Variants in TAB2 observed in about 807,000 individuals in gnomAD.
The protein encoded by TAB2 is TGF-beta activated kinase 1 (MAP3K7) binding protein 2.
A neutral mutation model predicts 65.0 loss-of-function variants in TAB2; 3 were observed. The ratio of observed to expected loss-of-function variants is 0.05; its 90% CI spans 0.02 to 0.12. The LOEUF is 0.12. Among genes scored for constraint, TAB2 ranks in the 10% least tolerant of loss-of-function variants. The pLI is 1.00. For missense variants in TAB2, 623 were observed against 840.3 expected (o/e 0.74, Z 3.20); for synonymous variants, 298 against 285.1 (o/e 1.05, Z -0.46).
At chr6:149,338,549 T>G (rs182179935) in intron 1 of TAB2, among the ~76,000 whole-genome samples, 1 of 152,170 alleles carries the variant, frequency 6.6e-6, no homozygotes, top group South Asian at 2.1e-4. Context: ...GAAACTAGTA[T>G]TGGAAGAGTT....
intron 1 of TAB2, among the ~76,000 whole-genome samples, chr6:149,265,905 T>C (rs889176101): frequency 6.6e-6 from 1 of 152,212 alleles, no homozygotes. Context: ...GAGCGAGGAA[T>C]GTTCATCCCT....
chr6:149,241,211 A>C (rs1264233161), intron 1 of TAB2, among the ~76,000 whole-genome samples: 2 of 152,190 alleles, frequency 1.3e-5, no homozygotes, highest in Non-Finnish European at 2.9e-5. Context: ...ACTATTGTTT[A>C]AGACACCCAG....
Position 149,379,107 on chromosome 6 carries a change from G to A in TAB2, c.1192G>A (p.Glu398Lys), listed in dbSNP as rs1781516355. The A allele has an allele frequency of 1.2e-6, 2 of 1,614,142 alleles. No homozygotes were observed. The highest frequency in any genetic ancestry group is 1.3e-5 in the African/African-American group (1 of 75,028). ...YISANAATGD[E>K]QVMRNQPTLF... ...TTCAGCGAATGCTGCCACAGGAGAT[G>A]AACAGGTCATGCGGAATCAGCCCAC... The change falls in exon 3 of 7, where the codon GAA becomes AAA. Residue 398 changes from glutamate to lysine, a missense_variant. By Grantham distance (56) the Glu-to-Lys change is moderately conservative (BLOSUM62 1). Transcript: ENST00000637181.
intron 1 of TAB2, among the ~76,000 whole-genome samples, chr6:149,253,818 AG>A (rs1244118393): frequency 1.3e-5 from 2 of 150,556 alleles, no homozygotes; most frequent in African/African-American, 4.9e-5. Context: ...GCCACTCAGG[AG>A]GCTGAGGCAG....
intron 1 of TAB2, among the ~76,000 whole-genome samples, chr6:149,298,292 G>GA (rs11382423): frequency 0.4 from 60,154 of 151,832 alleles, 13,281 homozygotes; most frequent in African/African-American, 0.61. Flanking sequence ...AAAAGAGAAA[G>GA]AAAAAATAAA....
intron 1 of TAB2, among the ~76,000 whole-genome samples, chr6:149,320,530 C>T (rs1046764141): frequency 1.1e-4 from 16 of 146,666 alleles, no homozygotes; most frequent in South Asian, 2.2e-4. Context: ...TTTCTTTTCC[C>T]AAAATACTGT....
chr6:149,259,671 A>C (rs1257796204), intron 1 of TAB2, among the ~76,000 whole-genome samples: 1 of 152,230 alleles, frequency 6.6e-6, no homozygotes, highest in African/African-American at 2.4e-5. Flanking sequence ...TATTCATAAA[A>C]GAGTGGGGAG....
At chr6:149,241,367 T>A (rs541047955) in intron 1 of TAB2, among the ~76,000 whole-genome samples, 1 of 152,362 alleles carries the variant, frequency 6.6e-6, no homozygotes, top group South Asian at 2.1e-4. Flanking sequence ...GCCTATACTC[T>A]TTTAATCAAT....
intron 1 of TAB2, among the ~76,000 whole-genome samples, chr6:149,306,458 A>T (rs896818842): frequency 1.3e-5 from 2 of 151,600 alleles, no homozygotes; most frequent in African/African-American, 4.8e-5. Flanking sequence ...GCTGAGGCAG[A>T]AGAATGGCCT....
intron 1 of TAB2, among the ~76,000 whole-genome samples, chr6:149,295,343 T>C (rs1778855502): frequency 6.6e-6 from 1 of 152,190 alleles, no homozygotes; most frequent in Admixed American, 6.5e-5. Context: ...TTCTTTTTGG[T>C]TTTTCGTTTT....
chr6:149,392,561 A>G (rs1227999074), intron 3 of TAB2, among the ~76,000 whole-genome samples: 4 of 152,158 alleles, frequency 2.6e-5, no homozygotes, highest in Admixed American at 6.5e-5. Flanking sequence ...TCCAAAGTCA[A>G]GGTTTCTGCA....
At chr6:149,330,477 T>C (rs1215741238) in intron 1 of TAB2, among the ~76,000 whole-genome samples, 3 of 152,208 alleles carry the variant, frequency 2.0e-5, no homozygotes, top group Admixed American at 2.0e-4. Context: ...GTATTTCTTA[T>C]TTCACCCAGT....
chr6:149,310,790 C>T (rs476816), intron 1 of TAB2, among the ~76,000 whole-genome samples: 137,434 of 152,270 alleles, frequency 0.9, 62,217 homozygotes, highest in African/African-American at 0.98. Context: ...GTTACTTCAC[C>T]GTTTTTGTTA....
chr6:149,316,273 G>T (rs1779249121), upstream of TAB2, among the ~76,000 whole-genome samples: 1 of 152,156 alleles, frequency 6.6e-6, no homozygotes, highest in Admixed American at 6.5e-5. Context: ...TTTTGAAGTG[G>T]CAAAGTATTT....
At chr6:149,391,975 T>G (rs561682801) in intron 3 of TAB2, among the ~76,000 whole-genome samples, 9 of 152,224 alleles carry the variant, frequency 5.9e-5, no homozygotes, top group African/African-American at 9.6e-5. Flanking sequence ...CGAGGAAGGT[T>G]GTTGTTTTAT....
chr6:149,249,151 CAT>C lies in TAB2; in HGVS notation c.-121+30377_-121+30378del, dbSNP rs57474610. Among the ~76,000 whole-genome samples the C allele has an allele frequency of 6.3e-3, 596 of 94,984 alleles. 12 individuals carry two copies. The East Asian group carries it at 0.11, about 17-fold the overall frequency. 62.3% of individuals were successfully genotyped at this position (94,984 alleles called of 152,430 possible). A position where few individuals can be genotyped will look rare whatever the true frequency, so the allele number is the denominator to read the frequency against. On this transcript the variant is annotated intron_variant, in intron 1 of 1. Coordinates refer to the TAB2 transcript ENST00000606202. ...ACACACACATACACACACACACACA[CAT>C]ACACACACACACACACGCACACACA...
chr6:149,334,748 C>T (rs1779884219), intron 1 of TAB2, among the ~76,000 whole-genome samples: 1 of 151,474 alleles, frequency 6.6e-6, no homozygotes, highest in Non-Finnish European at 1.5e-5. Context: ...TAGGTGATTG[C>T]CCAGATAACA....
intron 3 of TAB2, 133 bp from the exon 4 acceptor site, chr6:149,397,471 G>T: frequency 2.9e-6 from 3 of 1,027,362 alleles, no homozygotes; most frequent in Non-Finnish European, 3.0e-6. Context: ...AATTTTAAAT[G>T]CCTAAACTTA....
chr6:149,256,688 A>T (rs548992472), intron 1 of TAB2, among the ~76,000 whole-genome samples: 1 of 152,344 alleles, frequency 6.6e-6, no homozygotes, highest in East Asian at 1.9e-4. Flanking sequence ...CACCCAGTAC[A>T]GTTCCTGCAT....
Sources: allele counts gnomAD v4.1 joint callset (sites outside exome capture counted in the v4.1 genomes callset), GRCh38; gene constraint gnomAD v4.1.1; transcripts MANE v1.5; gene names NCBI Gene and HGNC (gene_info 2026-07-23, HGNC 2026-07-21).